The following KLHL29 variants were observed in gnomAD, a reference collection of about 807,000 sequenced individuals.
The protein encoded by KLHL29 is kelch like family member 29.
A neutral mutation model predicts 80.4 loss-of-function variants in KLHL29; 21 were observed. The ratio of observed to expected loss-of-function variants is 0.26; its 90% CI spans 0.19 to 0.38. The LOEUF (loss-of-function observed/expected upper bound fraction) is 0.38. Ranked by LOEUF, KLHL29 falls within the 10% of genes least tolerant of loss-of-function variation. The pLI is 1.00. For missense variants in KLHL29, 867 were observed against 1,223.9 expected (o/e 0.71, Z 4.35); for synonymous variants, 511 against 526.8 (o/e 0.97, Z 0.41).
intron 1 of KLHL29, among the ~76,000 whole-genome samples, chr2:23,437,548 C>T (rs538109996): frequency 3.9e-5 from 6 of 152,312 alleles, no homozygotes; most frequent in Admixed American, 2.6e-4. Context: ...AGGCTAAATT[C>T]GAAGTCAACA....
chr2:23,430,800 G>C (rs960182080), intron 1 of KLHL29, among the ~76,000 whole-genome samples: 1 of 152,182 alleles, frequency 6.6e-6, no homozygotes, highest in Admixed American at 6.5e-5. Context: ...AGCGGCCCTT[G>C]GGTAGCATTT....
chr2:23,703,714 C>A lies in KLHL29; in HGVS notation c.2300-5C>A. On this transcript the variant is annotated splice_region_variant and splice_polypyrimidine_tract_variant and intron_variant, in intron 12 of 13. Transcript: ENST00000486442. ...CGTGACCTGCCTGCTCTGCTCTCCT[C>A]ACAGACAACAAGTATGCCCCCGCTG... 1 of 1,534,540 alleles carries A rather than the reference C, an allele frequency of 6.5e-7. No individual in the cohort carries two copies. The highest frequency in any genetic ancestry group is 1.2e-5 in the South Asian group (1 of 83,550).
chr2:23,659,550 C>G (rs576518296), intron 5 of KLHL29, among the ~76,000 whole-genome samples: 1 of 152,112 alleles, frequency 6.6e-6, no homozygotes, highest in Non-Finnish European at 1.5e-5. Flanking sequence ...TTGGCAGGTG[C>G]GTGTCCAGCG....
chr2:23,651,531 C>T (rs963413033), intron 5 of KLHL29, among the ~76,000 whole-genome samples: 1 of 152,214 alleles, frequency 6.6e-6, no homozygotes, highest in Non-Finnish European at 1.5e-5. Flanking sequence ...GGCGTGTCTT[C>T]CCTGGTCATG....
Position 23,596,355 on chromosome 2 carries a change from C to T in KLHL29, c.285+33874C>T, listed in dbSNP as rs1324722924. Among the ~76,000 whole-genome samples the T allele has an allele frequency of 2.6e-5, 4 of 152,174 alleles. No individual in the cohort carries two copies. The highest frequency in any genetic ancestry group is 9.7e-5 in the African/African-American group (4 of 41,444). Reference sequence around the variant, plus strand: ...CTCCTCCAGGCTTCAGCTACCAACACGCCCCTATGAGTCTCTGTCTCCGAG... The same window carrying T: ...CTCCTCCAGGCTTCAGCTACCAACATGCCCCTATGAGTCTCTGTCTCCGAG... On this transcript the variant is annotated intron_variant, in intron 3 of 13. Coordinates refer to ENST00000486442, the MANE Select transcript of KLHL29 (RefSeq NM_052920.2). The surrounding 1 kb of genome is among the most constrained non-coding windows in gnomAD (Gnocchi z 4.4).
chr2:23,567,566 C>T (rs1413247809), intron 3 of KLHL29, among the ~76,000 whole-genome samples: 2 of 152,206 alleles, frequency 1.3e-5, no homozygotes, highest in Non-Finnish European at 2.9e-5. Flanking sequence ...ATATCTTCCC[C>T]ATGCGCTCCA....
Position 23,435,919 on chromosome 2 carries a change from A to T in KLHL29, c.-153-39641A>T, listed in dbSNP as rs573169272. Among the ~76,000 whole-genome samples the T allele has an allele frequency of 1.2e-3, 144 of 119,478 alleles. 3 individuals carry two copies. The highest frequency in any genetic ancestry group is 4.5e-3 in the East Asian group (16 of 3,572). The allele number at this position is 119,478 out of a possible 152,430, so 78.4% of individuals were successfully genotyped here. ...TCTCTCTTTTTTTTTTTTTTTTTTTAAAAAGGAAAGCTGTTGTTTCCCTCC... is the reference window on the plus strand; with the variant it reads ...TCTCTCTTTTTTTTTTTTTTTTTTTTAAAAGGAAAGCTGTTGTTTCCCTCC... On this transcript the variant is annotated intron_variant, in intron 1 of 13. Transcript: ENST00000486442.
chr2:23,424,233 A>G (rs1003011981), intron 1 of KLHL29, among the ~76,000 whole-genome samples: 4 of 152,198 alleles, frequency 2.6e-5, no homozygotes, highest in African/African-American at 9.7e-5. Flanking sequence ...ATAATTCCTT[A>G]CATAGTTTCC....
chr2:23,526,595 C>T (rs993573119), intron 2 of KLHL29, among the ~76,000 whole-genome samples: 1 of 152,204 alleles, frequency 6.6e-6, no homozygotes, highest in African/African-American at 2.4e-5. Context: ...GCTCTGCCCT[C>T]TGCCTACCAG....
At chr2:23,505,641 G>A (rs1449248673) in intron 2 of KLHL29, among the ~76,000 whole-genome samples, 1 of 152,180 alleles carries the variant, frequency 6.6e-6, no homozygotes, top group African/African-American at 2.4e-5. Context: ...TGTCCAGGAG[G>A]GAAGTCCTCC....
chr2:23,427,747 A>T (rs1343206355), intron 1 of KLHL29, among the ~76,000 whole-genome samples: 1 of 152,220 alleles, frequency 6.6e-6, no homozygotes, highest in African/African-American at 2.4e-5. Context: ...TTTTAAGATA[A>T]AAATGTAAAA....
intron 2 of KLHL29, among the ~76,000 whole-genome samples, chr2:23,556,558 C>T (rs1358301173): frequency 6.6e-6 from 1 of 151,684 alleles, no homozygotes; most frequent in Non-Finnish European, 1.5e-5. Flanking sequence ...GAGGCTGAGG[C>T]AGGAGAATCG....
At chr2:23,451,459 T>C (rs921423441) in intron 1 of KLHL29, among the ~76,000 whole-genome samples, 6 of 152,168 alleles carry the variant, frequency 3.9e-5, no homozygotes, top group African/African-American at 1.4e-4. Context: ...CCATATGAAT[T>C]GCACCTGGGT....
In KLHL29 at chr2:23,642,734, C is replaced by G; in HGVS notation, c.824C>G (p.Pro275Arg). ...CCAGCCCAGCCGTCCGCCACTCTCC[C>G]CAGTGGTGCCCCTGCCACCAATGGG... ...PPPAQPSATL[P>R]SGAPATNGPP... The change falls in exon 5 of 14, where the codon CCC becomes CGC. Residue 275 changes from proline (P) to arginine (R), a missense_variant. Around this residue, in one of 2 missense-constraint regions of KLHL29, gnomAD observed 424 missense variants for 456.9 expected, o/e 0.93. Coordinates refer to ENST00000486442, the MANE Select transcript of KLHL29 (RefSeq NM_052920.2). 1 of 1,549,972 alleles carries G rather than the reference C, an allele frequency of 6.5e-7. No individual in the cohort carries two copies. The highest frequency in any genetic ancestry group is 2.4e-5 in the East Asian group (1 of 40,918).
At chr2:23,665,615 G>A (rs183478524) in intron 5 of KLHL29, among the ~76,000 whole-genome samples, 24 of 152,324 alleles carry the variant, frequency 1.6e-4, no homozygotes, top group African/African-American at 5.5e-4. Context: ...TCTGCAGGCT[G>A]TACGGGAAGC....
At chr2:23,594,219 C>T (rs1572424410) in intron 3 of KLHL29, among the ~76,000 whole-genome samples, 1 of 152,122 alleles carries the variant, frequency 6.6e-6, no homozygotes, top group South Asian at 2.1e-4. Context: ...GGGAGTGCTC[C>T]GGGGAGTCGC....
At chr2:23,447,983 G>T (rs546695262) in intron 1 of KLHL29, among the ~76,000 whole-genome samples, 1 of 152,138 alleles carries the variant, frequency 6.6e-6, no homozygotes, top group Admixed American at 6.5e-5. Context: ...GGCTGGAGAT[G>T]CCTGTAATTT....
At chr2:23,662,960 G>A (rs1238063344) in intron 5 of KLHL29, among the ~76,000 whole-genome samples, 1 of 152,176 alleles carries the variant, frequency 6.6e-6, no homozygotes, top group Admixed American at 6.5e-5. Context: ...GTGTGGCCTG[G>A]GACCAGTGAC....
chr2:23,693,212 C>T (rs1280668731), intron 7 of KLHL29, 57 bp from the exon 8 acceptor site: 1 of 1,500,844 alleles, frequency 6.7e-7, no homozygotes, highest in African/African-American at 1.4e-5. Flanking sequence ...GCAATGGGAA[C>T]AGGTGGCAAC....
Sources: gnomAD v4.1 joint callset for allele counts (sites outside exome capture counted in the v4.1 genomes callset) on GRCh38, gnomAD v4.1.1 for gene constraint, gnomAD v4.1.1 regional missense constraint, Gnocchi (gnomAD v3.1) non-coding constraint, MANE v1.5 for transcripts, NCBI Gene and HGNC (gene_info 2026-07-23, HGNC 2026-07-21) for gene names.